ACMSD: variants seen among roughly 807,000 people sequenced by gnomAD.
ACMSD encodes 2-amino-3-carboxymuconate-6-semialdehyde decarboxylase.
ACMSD carries 37 observed loss-of-function variants against 45.9 expected under a neutral mutation model. That is an observed-to-expected ratio of 0.81 (90% CI 0.62 to 1.06). The LOEUF (loss-of-function observed/expected upper bound fraction) is 1.06. Ranked by LOEUF, ACMSD falls within the 50% of genes least tolerant of loss-of-function variation. ACMSD has a pLI of 0.00. For synonymous variants in ACMSD, 138 were observed against 148.8 expected (o/e 0.93, Z 0.53); for missense variants, 434 against 420.9 (o/e 1.03, Z -0.27).
At chr2:134,892,784 G>A (rs1395021968) in intron 8 of ACMSD, among the ~76,000 whole-genome samples, 2 of 152,160 alleles carry the variant, frequency 1.3e-5, no homozygotes, top group African/African-American at 4.8e-5. Context: ...GGCCAAGAGA[G>A]CAAAAGCAAG....
At chr2:134,863,137 T>C (rs946692015) in intron 4 of ACMSD, 2 of 817,570 alleles carry the variant, frequency 2.4e-6, no homozygotes, top group Non-Finnish European at 3.0e-6. Context: ...ATGCCAGTAA[T>C]TGTGTTCTTC....
At chr2:134,880,736 G>A (rs537640539) in intron 8 of ACMSD, among the ~76,000 whole-genome samples, 2 of 151,466 alleles carry the variant, frequency 1.3e-5, no homozygotes, top group African/African-American at 2.4e-5. Flanking sequence ...TTAAAGTCTC[G>A]GTCTTTCATA....
At chr2:134,889,159 T>C (rs1256243861) in intron 8 of ACMSD, among the ~76,000 whole-genome samples, 2 of 152,060 alleles carry the variant, frequency 1.3e-5, no homozygotes, top group Non-Finnish European at 2.9e-5. Flanking sequence ...GATAAGGTAA[T>C]TAGAAATCTG....
At chr2:134,867,706 C>G in intron 6 of ACMSD, 34 bp downstream of exon 6, 1 of 1,565,094 alleles carries the variant, frequency 6.4e-7, no homozygotes, top group Non-Finnish European at 8.8e-7. Context: ...AACAGAGGAC[C>G]AACTCTTGGG....
chr2:134,838,856 GT>G, intron 1 of ACMSD, 117 bp downstream of exon 1: 7 of 646,700 alleles, frequency 1.1e-5, no homozygotes, highest in Non-Finnish European at 1.8e-5. Context: ...GGGCGAGGGG[GT>G]TAAATCATTT....
intron 8 of ACMSD, among the ~76,000 whole-genome samples, chr2:134,894,668 TA>T (rs1034421161): frequency 1.3e-5 from 2 of 152,126 alleles, no homozygotes; most frequent in Admixed American, 1.3e-4. Flanking sequence ...ACATCACACT[TA>T]ATAGTGAAAG....
intron 3 of ACMSD, among the ~76,000 whole-genome samples, chr2:134,861,723 A>G (rs954582172): frequency 2.6e-5 from 4 of 152,196 alleles, no homozygotes; most frequent in Non-Finnish European, 4.4e-5. Flanking sequence ...GGGCAGAAAT[A>G]ACTCTTTGGA....
chr2:134,857,757 C>A (rs1019713890), intron 2 of ACMSD: 1 of 151,358 alleles, frequency 6.6e-6, no homozygotes, highest in African/African-American at 2.4e-5. Context: ...TGTTCCTGAT[C>A]TTAGAGAAAA....
intron 8 of ACMSD, chr2:134,877,599 G>C (rs1688805913): frequency 6.6e-6 from 1 of 152,018 alleles, no homozygotes; most frequent in Non-Finnish European, 1.5e-5. Context: ...AGCTGCTTGA[G>C]TGTCCTCACA....
rs373556389 is a variant in ACMSD at position 134,895,350 on chromosome 2, A to T, written c.850-2991A>T. Among the ~76,000 whole-genome samples, 6 of 52,000 alleles carry T rather than the reference A, an allele frequency of 1.2e-4. 1 individual carries two copies. Among genetic ancestry groups the T allele is most frequent in the South Asian group, 2.5e-3 (2 of 798 alleles). The allele number at this position is 52,000 out of a possible 152,430, so 34.1% of individuals were successfully genotyped here. A position where few individuals can be genotyped will look rare whatever the true frequency, so the allele number is the denominator to read the frequency against. ...ATGTTATATATATAATATATATATA[A>T]CATATATAATATATATATATGTTAC... is the stretch of plus-strand genomic sequence containing the variant. On this transcript the variant is annotated intron_variant, in intron 8 of 9. Coordinates refer to ENST00000356140, the MANE Select transcript of ACMSD (RefSeq NM_138326.3).
chr2:134,863,648 C>T lies in ACMSD; in HGVS notation c.486+17C>T. 1 of 1,612,528 alleles carries T rather than the reference C, an allele frequency of 6.2e-7. No individual in the cohort carries two copies. Among genetic ancestry groups the T allele is most frequent in the South Asian group, 1.1e-5 (1 of 91,018 alleles). Reference sequence around the variant, plus strand: ...GTCTATGCGGTGAGTAGCGGGGCTGCTCAGCCAACGCCAGCCGCCCAGTGC... The same window carrying T: ...GTCTATGCGGTGAGTAGCGGGGCTGTTCAGCCAACGCCAGCCGCCCAGTGC... On this transcript the variant is annotated intron_variant, in intron 5 of 9. Coordinates refer to ENST00000356140, the MANE Select transcript of ACMSD (RefSeq NM_138326.3).
chr2:134,871,682 G>GACACACACACAC (rs1170611331), intron 7 of ACMSD, among the ~76,000 whole-genome samples: 3,400 of 138,898 alleles, frequency 0.024, 44 homozygotes, highest in African/African-American at 0.024. Context: ...TCAACAGACA[G>GACACACACACAC]ACACACACAC....
intron 5 of ACMSD, among the ~76,000 whole-genome samples, chr2:134,864,651 TAC>T (rs914186362): frequency 6.6e-6 from 1 of 152,228 alleles, no homozygotes; most frequent in Non-Finnish European, 1.5e-5. Context: ...TTTGGAAATG[TAC>T]TTTAAAATAC....
intron 5 of ACMSD, among the ~76,000 whole-genome samples, chr2:134,865,981 A>C (rs1688078193): frequency 6.6e-6 from 1 of 152,240 alleles, no homozygotes; most frequent in Non-Finnish European, 1.5e-5. Context: ...GTTAATAATT[A>C]TAAAATTCTT....
At chr2:134,867,303 G>C in intron 5 of ACMSD, 1 of 235,012 alleles carries the variant, frequency 4.3e-6, no homozygotes, top group Non-Finnish European at 8.1e-6. Context: ...GATATTTCCT[G>C]ACGCTTGTTT....
chr2:134,885,348 T>TA (rs1238010546), intron 8 of ACMSD, among the ~76,000 whole-genome samples: 5 of 101,852 alleles, frequency 4.9e-5, no homozygotes, highest in East Asian at 4.4e-4. Context: ...TATTTATATA[T>TA]AATATATATT....
chr2:134,885,749 T>C (rs560875748), intron 8 of ACMSD, among the ~76,000 whole-genome samples: 110 of 152,240 alleles, frequency 7.2e-4, no homozygotes, highest in African/African-American at 2.6e-3. Flanking sequence ...GACAGCCTCT[T>C]TGCCTTATTG....
chr2:134,873,929 T>C (rs1688598576), intron 8 of ACMSD, among the ~76,000 whole-genome samples: 1 of 152,172 alleles, frequency 6.6e-6, no homozygotes. Context: ...TCATGTGGAA[T>C]TGGGGGAAGG....
At chr2:134,878,350 A>AG (rs1688862734) in intron 8 of ACMSD, among the ~76,000 whole-genome samples, 1 of 152,182 alleles carries the variant, frequency 6.6e-6, no homozygotes, top group Non-Finnish European at 1.5e-5. Context: ...TTTTTGAGAC[A>AG]GGGTTTTGCT....
Sources: gnomAD v4.1 joint callset for allele counts (sites outside exome capture counted in the v4.1 genomes callset) on GRCh38, gnomAD v4.1.1 for gene constraint, MANE v1.5 for transcripts, NCBI Gene and HGNC (gene_info 2026-07-23, HGNC 2026-07-21) for gene names.